CABLES1: variants seen among roughly 807,000 people sequenced by gnomAD.
The protein encoded by CABLES1 is CDK5 and ABL1 enzyme substrate 1.
CABLES1 carries 36 observed loss-of-function variants against 57.8 expected under a neutral mutation model. That is an observed-to-expected ratio of 0.62 (90% CI 0.48 to 0.82). The LOEUF (loss-of-function observed/expected upper bound fraction) is 0.82. Among genes scored for constraint, CABLES1 ranks in the 40% least tolerant of loss-of-function variants. The pLI is 0.00. For missense variants in CABLES1, 767 were observed against 836.6 expected (o/e 0.92, Z 1.03); for synonymous variants, 374 against 363.0 (o/e 1.03, Z -0.35).
chr18:23,235,658 G>C (rs1220005455), intron 5 of CABLES1, among the ~76,000 whole-genome samples: 1 of 152,230 alleles, frequency 6.6e-6, no homozygotes, highest in African/African-American at 2.4e-5. Flanking sequence ...CCATGTAATA[G>C]GAATAGTCAG....
At chr18:23,211,323 G>A (rs1280818008) in intron 3 of CABLES1, among the ~76,000 whole-genome samples, 1 of 152,238 alleles carries the variant, frequency 6.6e-6, no homozygotes, top group Non-Finnish European at 1.5e-5. Flanking sequence ...GTGTTGCAGA[G>A]GACATCGATG....
chr18:23,160,187 G>A (rs1197732737), intron 1 of CABLES1, among the ~76,000 whole-genome samples: 2 of 151,900 alleles, frequency 1.3e-5, no homozygotes, highest in Admixed American at 6.6e-5. Context: ...ACAGGCGCCC[G>A]CCACCACACC....
intron 2 of CABLES1, among the ~76,000 whole-genome samples, chr18:23,191,012 G>A (rs192640665): frequency 6.8e-4 from 103 of 150,982 alleles, no homozygotes; most frequent in Non-Finnish European, 1.1e-3. Context: ...GAGAGGTTGA[G>A]GCAGAGGGGT....
chr18:23,234,730 C>T (rs1387844184), intron 5 of CABLES1, 26 bp downstream of exon 5: 2 of 1,582,156 alleles, frequency 1.3e-6, no homozygotes, highest in South Asian at 1.1e-5. Context: ...TGCCAGTCAC[C>T]AAGTTGTGCT....
At chr18:23,227,168 G>A (rs541662961) in intron 4 of CABLES1, among the ~76,000 whole-genome samples, 2 of 152,152 alleles carry the variant, frequency 1.3e-5, no homozygotes, top group African/African-American at 4.8e-5. Flanking sequence ...ATCATTTTGC[G>A]ACACAGAGAA....
intron 1 of CABLES1, among the ~76,000 whole-genome samples, chr18:23,154,965 C>T (rs773294462): frequency 2.0e-5 from 3 of 152,174 alleles, no homozygotes; most frequent in African/African-American, 4.8e-5. Context: ...TATGTGTGTA[C>T]AGAATGACTA....
intron 1 of CABLES1, 21 bp from the exon 2 acceptor site, chr18:23,188,817 A>AT (rs1215377584): frequency 6.2e-7 from 1 of 1,603,002 alleles, no homozygotes; most frequent in Non-Finnish European, 8.5e-7. Flanking sequence ...TAACTCCCAG[A>AT]TTTTTTCCTT....
At chr18:23,227,197 G>A (rs2047534098) in intron 4 of CABLES1, among the ~76,000 whole-genome samples, 1 of 151,970 alleles carries the variant, frequency 6.6e-6, no homozygotes, top group South Asian at 2.1e-4. Context: ...TCTATTCTTA[G>A]AGCCTTCAAG....
chr18:23,218,377 C>T (rs1190643406), intron 4 of CABLES1, among the ~76,000 whole-genome samples: 5 of 76,716 alleles, frequency 6.5e-5, no homozygotes, highest in African/African-American at 3.0e-4. Flanking sequence ...CCCTGGCTCC[C>T]GCATCCTCAC....
chr18:23,201,621 A>G (rs2047325732), intron 3 of CABLES1, among the ~76,000 whole-genome samples: 1 of 152,244 alleles, frequency 6.6e-6, no homozygotes, highest in Non-Finnish European at 1.5e-5. Flanking sequence ...CTCTCCAGAT[A>G]CAAGGTGCCC....
At chr18:23,141,867 T>G (rs1290265825) in intron 1 of CABLES1, among the ~76,000 whole-genome samples, 1 of 152,164 alleles carries the variant, frequency 6.6e-6, no homozygotes, top group East Asian at 1.9e-4. Context: ...TTTTTTTCTC[T>G]CTTCAGAAAG....
At chr18:23,227,676 A>G (rs1193731630) in intron 4 of CABLES1, among the ~76,000 whole-genome samples, 1 of 152,152 alleles carries the variant, frequency 6.6e-6, no homozygotes, top group East Asian at 1.9e-4. Context: ...AAGGGCAACA[A>G]ACGGGACTCT....
Position 23,207,676 on chromosome 18 carries a change from G to A in CABLES1, c.1011-6301G>A, listed in dbSNP as rs139503414. ...GTACAATGTCTGGCATGGATTAAGT[G>A]CTCAGAAAATATTTGTGTGAGGGAG... On this transcript the variant is annotated intron_variant, in intron 3 of 9. Transcript: ENST00000256925. Among the ~76,000 whole-genome samples, 46 of 151,970 alleles carry A rather than the reference G, an allele frequency of 3.0e-4. No homozygotes were observed. The East Asian group carries it at 7.5e-3, about 25-fold the overall frequency.
At chr18:23,195,081 C>T (rs1329931028) in intron 3 of CABLES1, among the ~76,000 whole-genome samples, 1 of 152,334 alleles carries the variant, frequency 6.6e-6, no homozygotes, top group South Asian at 2.1e-4. Flanking sequence ...TCCAGCTCTT[C>T]AGCTGCTCGT....
intron 1 of CABLES1, among the ~76,000 whole-genome samples, chr18:23,184,308 C>CGTGTGTGTGTGTGT (rs61158856): frequency 5.5e-4 from 81 of 146,424 alleles, no homozygotes; most frequent in African/African-American, 2.0e-3. Context: ...CATACTGGCA[C>CGTGTGTGTGTGTGT]GTGTGTGTGT....
chr18:23,227,044 G>A (rs2047532781), intron 4 of CABLES1: 1 of 152,144 alleles, frequency 6.6e-6, no homozygotes, highest in African/African-American at 2.4e-5. Context: ...AGGTGCCTCT[G>A]GGGGGTGTGT....
At chr18:23,194,328 C>T (rs1347686923) in intron 2 of CABLES1, 120 bp from the exon 3 acceptor site, 7 of 632,280 alleles carry the variant, frequency 1.1e-5, no homozygotes, top group Non-Finnish European at 1.7e-5. Context: ...TCGCGGACTC[C>T]TGCCTGCTTT....
At chr18:23,202,856 G>A (rs1250174874) in intron 3 of CABLES1, among the ~76,000 whole-genome samples, 3 of 152,016 alleles carry the variant, frequency 2.0e-5, no homozygotes, top group East Asian at 1.9e-4. Context: ...GCATGGTGGC[G>A]GGTGCCTGTA....
chr18:23,180,010 C>A (rs1474032710), intron 1 of CABLES1, among the ~76,000 whole-genome samples: 1 of 152,220 alleles, frequency 6.6e-6, no homozygotes, highest in African/African-American at 2.4e-5. Flanking sequence ...GCTCCGCCTC[C>A]CGGGTTCAGG....
Sources: allele counts gnomAD v4.1 joint callset (sites outside exome capture counted in the v4.1 genomes callset), GRCh38; gene constraint gnomAD v4.1.1; transcripts MANE v1.5; gene names NCBI Gene and HGNC (gene_info 2026-07-23, HGNC 2026-07-21).